The following ASH1L variants were observed in gnomAD, a reference collection of about 807,000 sequenced individuals.
The protein encoded by ASH1L is histone-lysine N-methyltransferase ASH1L.
ASH1L carries 23 observed loss-of-function variants against 269.0 expected under a neutral mutation model. That is an observed-to-expected ratio of 0.09 (90% CI 0.06 to 0.12). ASH1L has a LOEUF of 0.12. Among genes scored for constraint, ASH1L ranks in the 10% least tolerant of loss-of-function variants. ASH1L has a pLI of 1.00. For synonymous variants in ASH1L, 1,187 were observed against 1,253.5 expected (o/e 0.95, Z 1.12); for missense variants, 2,912 against 3,567.8 (o/e 0.82, Z 4.68).
Position 155,345,223 on chromosome 1 carries a change from C to T in ASH1L, c.7891-950G>A, listed in dbSNP as rs989491882. On this transcript the variant is annotated intron_variant, in intron 21 of 27. Transcript: ENST00000392403. The stretch of plus-strand genomic sequence containing the variant: ...GGAGACTGAGTCTCACTCCGTCACC[C>T]GGGCTAGAGTGCAGTGGCGTGATCT... 6.0e-4 allele frequency among the ~76,000 whole-genome samples: 88 copies of T among 147,708 alleles called. 1 individual carries two copies. Among genetic ancestry groups the T allele is most frequent in the Middle Eastern group, 6.9e-3 (2 of 288 alleles).
Position 155,562,664 on chromosome 1 carries a change from C to T in ASH1L, c.-611G>A. The T allele has an allele frequency of 3.3e-6, 5 of 1,523,980 alleles. No homozygotes were observed. The highest frequency in any genetic ancestry group is 4.4e-6 in the Non-Finnish European group (5 of 1,139,056). 94.4% of individuals were successfully genotyped at this position (1,523,980 alleles called of 1,614,324 possible). ...TGCTCCCACCAACCACCACCTTCGG[C>T]CGCCCCGCGCGCCAGCCAGCCCGTA... On this transcript the variant is annotated 5_prime_UTR_variant, in exon 1 of 28. Coordinates refer to ENST00000392403, the MANE Select transcript of ASH1L (RefSeq NM_018489.3).
At position 155,480,811 on chromosome 1, in the gene ASH1L, C is replaced by A; in HGVS notation, c.2059G>T (p.Val687Leu). ...TGGCAGTGTTTGTCTGATGCAGATA[C>A]TGCACCCAGTTTTAAAAAAGGCTTA... ...SNKPFLKLGA[V>L]SASDKHCQVA... The change falls in exon 3 of 28, where the codon GTA becomes TTA. Residue 687 changes from valine (V) to leucine (L), a missense_variant. Val to Leu is a conservative substitution (Grantham distance 32). Around this residue, in one of 13 missense-constraint regions of ASH1L, gnomAD observed 715 missense variants for 721.0 expected, o/e 0.99. Coordinates refer to ENST00000392403, the MANE Select transcript of ASH1L (RefSeq NM_018489.3). The A allele has an allele frequency of 6.2e-7, 1 of 1,613,986 alleles. No individual in the cohort carries two copies. Among genetic ancestry groups the A allele is most frequent in the Non-Finnish European group, 8.5e-7 (1 of 1,179,982 alleles).
At position 155,523,567 on chromosome 1, in the gene ASH1L, C is replaced by T. The variant is rs577255674; in HGVS notation, c.-99-1949G>A. On this transcript the variant is annotated intron_variant, in intron 1 of 27. Transcript: ENST00000392403. ...ACCTCGCCCAATGACTGGCACATAGCGAGGGCTCAATAAAAGGTACTGGCC... is the reference window on the plus strand; with the variant it reads ...ACCTCGCCCAATGACTGGCACATAGTGAGGGCTCAATAAAAGGTACTGGCC... 6.6e-5 allele frequency among the ~76,000 whole-genome samples: 10 copies of T among 152,260 alleles called. No individual in the cohort carries two copies. In the East Asian group the frequency reaches 1.9e-3, roughly 29 times the overall value.
chr1:155,409,148 C>A (rs1429216089), intron 6 of ASH1L, among the ~76,000 whole-genome samples: 2 of 152,018 alleles, frequency 1.3e-5, no homozygotes, highest in Non-Finnish European at 2.9e-5. Context: ...CCTCAGCCTC[C>A]CAAATAGCTG....
chr1:155,356,867 T>A (rs973500381), intron 15 of ASH1L, among the ~76,000 whole-genome samples: 1 of 150,590 alleles, frequency 6.6e-6, no homozygotes, highest in Non-Finnish European at 1.5e-5. Flanking sequence ...GGCAGGAGGA[T>A]AGCTTGAGCC....
intron 3 of ASH1L, among the ~76,000 whole-genome samples, chr1:155,472,012 C>G (rs1057024224): frequency 6.6e-6 from 1 of 152,084 alleles, no homozygotes; most frequent in African/African-American, 2.4e-5. Flanking sequence ...GAAAAAAAGC[C>G]AAGTGCAGTG....
chr1:155,537,753 T>TAA (rs201878978), intron 1 of ASH1L, among the ~76,000 whole-genome samples: 32 of 151,922 alleles, frequency 2.1e-4, no homozygotes, highest in African/African-American at 7.0e-4. Context: ...TTTTTTTTTT[T>TAA]AAAAAAAGCT....
At chr1:155,341,411 C>A (rs1333051549) in intron 25 of ASH1L, among the ~76,000 whole-genome samples, 1 of 152,124 alleles carries the variant, frequency 6.6e-6, no homozygotes, top group Non-Finnish European at 1.5e-5. Context: ...CTCCTGACCT[C>A]ATGATCCGCC....
intron 2 of ASH1L, among the ~76,000 whole-genome samples, chr1:155,484,219 T>C (rs1232047827): frequency 1.3e-5 from 2 of 152,216 alleles, no homozygotes; most frequent in Non-Finnish European, 2.9e-5. Flanking sequence ...CCGGGCATGG[T>C]GGCTCACGCC....
At chr1:155,394,940 T>G (rs1038348514) in intron 7 of ASH1L, among the ~76,000 whole-genome samples, 5 of 152,150 alleles carry the variant, frequency 3.3e-5, no homozygotes, top group Non-Finnish European at 5.9e-5. Context: ...TGTTATTTAT[T>G]TAATTTTTTT....
Position 155,373,547 on chromosome 1 carries a change from C to T in ASH1L, c.6333-2564G>A, listed in dbSNP as rs557678889. ...TGGGGGTCATGGGATCCTCCCTCAT[C>T]GGCCTCCCAAAATGCTAGGGATTAC... On this transcript the variant is annotated intron_variant, in intron 10 of 27. Coordinates refer to ENST00000392403, the MANE Select transcript of ASH1L (RefSeq NM_018489.3). Among the ~76,000 whole-genome samples the T allele has an allele frequency of 3.9e-5, 6 of 152,260 alleles. No individual in the cohort carries two copies. In the East Asian group the frequency reaches 9.6e-4, roughly 24 times the overall value.
intron 21 of ASH1L, chr1:155,345,828 C>CTTTT: frequency 5.6e-5 from 8 of 144,048 alleles, no homozygotes; most frequent in South Asian, 1.5e-4. Context: ...TGCACCCGGC[C>CTTTT]TTTTTTTTTT....
chr1:155,440,760 T>G (rs1662489965), intron 4 of ASH1L, among the ~76,000 whole-genome samples: 1 of 152,202 alleles, frequency 6.6e-6, no homozygotes, highest in Non-Finnish European at 1.5e-5. Context: ...TGAATTTCTA[T>G]TTTCTGAATA....
chr1:155,507,077 G>A (rs1396226519), intron 2 of ASH1L, among the ~76,000 whole-genome samples: 1 of 152,148 alleles, frequency 6.6e-6, no homozygotes, highest in Non-Finnish European at 1.5e-5. Flanking sequence ...GAGGTCAGGA[G>A]TTCGAAATGA....
At chr1:155,516,541 C>T (rs1668514625) in intron 2 of ASH1L, among the ~76,000 whole-genome samples, 1 of 152,142 alleles carries the variant, frequency 6.6e-6, no homozygotes, top group Non-Finnish European at 1.5e-5. Context: ...CACCTGTAAT[C>T]CCATCACTTT....
At chr1:155,498,231 G>A (rs894811888) in intron 2 of ASH1L, among the ~76,000 whole-genome samples, 7 of 151,924 alleles carry the variant, frequency 4.6e-5, no homozygotes, top group African/African-American at 1.7e-4. Context: ...CTTCTAGGAG[G>A]GGTAACAGGG....
chr1:155,443,028 T>C (rs1662727572), intron 4 of ASH1L, among the ~76,000 whole-genome samples: 2 of 152,250 alleles, frequency 1.3e-5, no homozygotes, highest in Non-Finnish European at 2.9e-5. Flanking sequence ...AGTGGTTTAA[T>C]GTATGTAATT....
rs761509490 is a variant in ASH1L, at chr1:155,341,897, T to C, written c.8460+39A>G. 4.4e-6 allele frequency: 7 copies of C among 1,589,978 alleles called. No homozygotes were observed. The South Asian group carries it at 7.7e-5, about 18-fold the overall frequency. On this transcript the variant is annotated intron_variant, in intron 25 of 27. Transcript: ENST00000392403. ...AGTGAATTTCATGCATGAACCAGAT[T>C]GTCCTAACATGTAGTGTTAAGAAAG...
chr1:155,356,656 A>C lies in ASH1L; in HGVS notation c.7055+660T>G, dbSNP rs951532831. Among the ~76,000 whole-genome samples the C allele has an allele frequency of 6.1e-4, 92 of 151,918 alleles. 2 individuals are homozygous for C. In the Middle Eastern group the frequency reaches 0.017, roughly 28 times the overall value. The stretch of plus-strand genomic sequence containing the variant: ...AGACTCCGTCTCAAAAAAAAAAAAA[A>C]AACAACAAAAAACCAAGGTCTTTCC... On this transcript the variant is annotated intron_variant, in intron 15 of 27. Coordinates refer to ENST00000392403, the MANE Select transcript of ASH1L (RefSeq NM_018489.3).
Sources: gnomAD v4.1 joint callset for allele counts (sites outside exome capture counted in the v4.1 genomes callset) on GRCh38, gnomAD v4.1.1 for gene constraint, gnomAD v4.1.1 regional missense constraint, MANE v1.5 for transcripts, NCBI Gene and HGNC (gene_info 2026-07-23, HGNC 2026-07-21) for gene names.